Variants in LINC00305 observed in about 807,000 individuals in gnomAD.
LINC00305 encodes long independently transcribed non-coding RNA 305.
intron 3 of LINC00305, among the ~76,000 whole-genome samples, chr18:64,084,131 G>T (rs2051194635): frequency 6.6e-6 from 1 of 152,158 alleles, no homozygotes; most frequent in Non-Finnish European, 1.5e-5. Context: ...TAATCTGCCT[G>T]GCAGTGTCTC....
chr18:64,144,018 T>C (rs2051485042), intron 1 of LINC00305, among the ~76,000 whole-genome samples: 3 of 152,198 alleles, frequency 2.0e-5, no homozygotes, highest in Admixed American at 2.0e-4. Context: ...TCTTTGTGAA[T>C]TACATACAGT....
chr18:64,112,312 A>G (rs2144250739), intron 1 of LINC00305, among the ~76,000 whole-genome samples: 1 of 150,840 alleles, frequency 6.6e-6, no homozygotes, highest in South Asian at 2.1e-4. Flanking sequence ...TATTTTTCAA[A>G]CGTTTCCATT....
At chr18:64,107,005 T>C (rs2051293840) in intron 1 of LINC00305, among the ~76,000 whole-genome samples, 3 of 152,184 alleles carry the variant, frequency 2.0e-5, no homozygotes, top group South Asian at 2.1e-4. Context: ...TAGGGTATAA[T>C]TGATGTGCAC....
At chr18:64,083,168 A>G (rs2051191157) in intron 3 of LINC00305, among the ~76,000 whole-genome samples, 1 of 152,078 alleles carries the variant, frequency 6.6e-6, no homozygotes, top group South Asian at 2.1e-4. Flanking sequence ...TATTTTAAAA[A>G]TGACCTTTAG....
At chr18:64,116,302 G>T (rs1185264966) in intron 1 of LINC00305, among the ~76,000 whole-genome samples, 1 of 152,178 alleles carries the variant, frequency 6.6e-6, no homozygotes, top group Non-Finnish European at 1.5e-5. Flanking sequence ...ATTGACCAGA[G>T]AATGTCCTTT....
intron 1 of LINC00305, among the ~76,000 whole-genome samples, chr18:64,102,654 T>G (rs923712260): frequency 1.3e-5 from 2 of 152,138 alleles, no homozygotes; most frequent in Non-Finnish European, 2.9e-5. Flanking sequence ...TTCTGCAGGC[T>G]ATATAGGAAG....
chr18:64,128,416 A>G (rs1454068091), intron 1 of LINC00305, among the ~76,000 whole-genome samples: 2 of 152,112 alleles, frequency 1.3e-5, no homozygotes, highest in Non-Finnish European at 2.9e-5. Flanking sequence ...ACTGAAAAGG[A>G]AGTTGAAAAA....
chr18:64,138,066 G>C (rs2051443599), intron 1 of LINC00305, among the ~76,000 whole-genome samples: 1 of 152,278 alleles, frequency 6.6e-6, no homozygotes, highest in South Asian at 2.1e-4. Context: ...CAAGATTGCT[G>C]TCAGGGAAGC....
At chr18:64,122,461 A>T (rs1568113401) in intron 1 of LINC00305, among the ~76,000 whole-genome samples, 1 of 151,820 alleles carries the variant, frequency 6.6e-6, no homozygotes, top group Non-Finnish European at 1.5e-5. Context: ...CTAGTGTATG[A>T]TCTTGTCTAT....
chr18:64,102,105 T>C (rs925860328), intron 1 of LINC00305, among the ~76,000 whole-genome samples: 6 of 152,264 alleles, frequency 3.9e-5, no homozygotes, highest in African/African-American at 1.4e-4. Context: ...GTGACCGCTG[T>C]TCATATCAGT....
At chr18:64,097,928 A>C in exon 3 of LINC00305, 1 of 458,098 alleles carries the variant, frequency 2.2e-6, no homozygotes, top group Non-Finnish European at 4.4e-6. Flanking sequence ...CTGATAAACC[A>C]GAAGGCTGCT....
intron 1 of LINC00305, among the ~76,000 whole-genome samples, chr18:64,143,377 C>T (rs565688143): frequency 6.6e-6 from 1 of 151,280 alleles, no homozygotes; most frequent in South Asian, 2.1e-4. Flanking sequence ...GGCCTAGTAT[C>T]TGAAAAGCAT....
intron 1 of LINC00305, among the ~76,000 whole-genome samples, chr18:64,147,999 C>G (rs958341380): frequency 6.6e-6 from 1 of 151,950 alleles, no homozygotes; most frequent in African/African-American, 2.4e-5. Context: ...CATAGGGAAC[C>G]ATCTCGGATG....
intron 1 of LINC00305, among the ~76,000 whole-genome samples, chr18:64,126,577 A>T (rs1283857321): frequency 2.0e-5 from 3 of 152,082 alleles, no homozygotes; most frequent in Non-Finnish European, 4.4e-5. Flanking sequence ...TGCCCTTAAT[A>T]ATTTATTCAT....
At chr18:64,086,583 C>A (rs1424634096) in intron 3 of LINC00305, among the ~76,000 whole-genome samples, 1 of 152,154 alleles carries the variant, frequency 6.6e-6, no homozygotes, top group African/African-American at 2.4e-5. Flanking sequence ...GAAAGTTTAC[C>A]TTCTGTTGTC....
At position 64,130,075 on chromosome 18, in the gene LINC00305, C is replaced by T. The variant is rs1020779159; in HGVS notation, n.314+18700G>A. 2.0e-5 allele frequency among the ~76,000 whole-genome samples: 3 copies of T among 151,868 alleles called. No individual in the cohort carries two copies. In the East Asian group the frequency reaches 5.8e-4, roughly 29 times the overall value. On this transcript the variant is annotated intron_variant and non_coding_transcript_variant, in intron 1 of 3. Transcript: ENST00000666468. Reference sequence around the variant, plus strand: ...ATACATGTGCCATGTTGGTGTGCTGCACCCATTAACTCATCATTTACATTA... The same window carrying T: ...ATACATGTGCCATGTTGGTGTGCTGTACCCATTAACTCATCATTTACATTA...
chr18:64,105,970 T>C (rs2051288714), intron 1 of LINC00305, among the ~76,000 whole-genome samples: 1 of 152,224 alleles, frequency 6.6e-6, no homozygotes, highest in South Asian at 2.1e-4. Flanking sequence ...CAATTGGCCA[T>C]ACCTGGGTGC....
At chr18:64,138,693 C>G (rs987907086) in intron 1 of LINC00305, among the ~76,000 whole-genome samples, 4 of 152,046 alleles carry the variant, frequency 2.6e-5, no homozygotes, top group African/African-American at 9.7e-5. Flanking sequence ...TATTCAGCAG[C>G]GGGTTTGGTG....
chr18:64,145,378 C>A (rs2144285018), intron 1 of LINC00305, among the ~76,000 whole-genome samples: 1 of 152,308 alleles, frequency 6.6e-6, no homozygotes, highest in Admixed American at 6.5e-5. Flanking sequence ...TACCCCCGCC[C>A]TGACTAAACT....
Sources: allele counts gnomAD v4.1 joint callset (sites outside exome capture counted in the v4.1 genomes callset), GRCh38; gene constraint gnomAD v4.1.1; transcripts MANE v1.5; gene names NCBI Gene and HGNC (gene_info 2026-07-23, HGNC 2026-07-21).